ATP8A2: variants seen among roughly 807,000 people sequenced by gnomAD.
The protein encoded by ATP8A2 is ATPase phospholipid transporting 8A2.
A neutral mutation model predicts 165.6 loss-of-function variants in ATP8A2; 100 were observed. The observed-to-expected ratio is 0.60, with a 90% CI of 0.51 to 0.71. The LOEUF (loss-of-function observed/expected upper bound fraction) is 0.71, where lower values mean the gene tolerates loss of function less well. Ranked by LOEUF, ATP8A2 falls within the 30% of genes least tolerant of loss-of-function variation. The pLI is 0.00. For missense variants in ATP8A2, 1,227 were observed against 1,479.5 expected, an observed-to-expected ratio of 0.83 and a Z score of 2.80; for synonymous variants, 543 against 548.8, an observed-to-expected ratio of 0.99 and a Z score of 0.15.
intron 24 of ATP8A2, among the ~76,000 whole-genome samples, chr13:25,648,475 C>T (rs1051355062): frequency 1.3e-5 from 2 of 152,044 alleles, no homozygotes; most frequent in Non-Finnish European, 1.5e-5. Context: ...ACTATCCTGG[C>T]CAACGTAGTG....
intron 24 of ATP8A2, among the ~76,000 whole-genome samples, chr13:25,686,861 T>C (rs17584943): frequency 0.085 from 12,974 of 152,136 alleles, 616 homozygotes; most frequent in Non-Finnish European, 0.11. Context: ...TCCACGGCTC[T>C]TAACAGCTCA....
At chr13:25,671,225 TCTTTA>T (rs2042255833) in intron 24 of ATP8A2, among the ~76,000 whole-genome samples, 2 of 152,214 alleles carry the variant, frequency 1.3e-5, no homozygotes, top group Non-Finnish European at 2.9e-5. Context: ...CCTATGCCTG[TCTTTA>T]CTTTAGTCTC....
chr13:25,479,714 A>G (rs34785593), intron 2 of ATP8A2, among the ~76,000 whole-genome samples: 10,236 of 152,068 alleles, frequency 0.067, 464 homozygotes, highest in African/African-American at 0.12. Flanking sequence ...GCTGCCTTCA[A>G]GCATCTGTTT....
At chr13:25,920,437 G>GA (rs768619219) in intron 33 of ATP8A2, among the ~76,000 whole-genome samples, 2 of 152,126 alleles carry the variant, frequency 1.3e-5, no homozygotes, top group Non-Finnish European at 2.9e-5. Context: ...CGGCACTTGT[G>GA]AAAAAGATGT....
chr13:25,682,538 C>A (rs920628599), intron 24 of ATP8A2, among the ~76,000 whole-genome samples: 1 of 152,168 alleles, frequency 6.6e-6, no homozygotes, highest in African/African-American at 2.4e-5. Flanking sequence ...CGAGTTTTCT[C>A]TTGACGGGGC....
At position 25,454,030 on chromosome 13, in the gene ATP8A2, C is replaced by T. The variant is rs117993257; in HGVS notation, c.77-14947C>T. Among the ~76,000 whole-genome samples the T allele has an allele frequency of 6.1e-3, 923 of 152,126 alleles. 7 individuals are homozygous for T. Among genetic ancestry groups the T allele is most frequent in the Non-Finnish European group, 8.3e-3 (565 of 68,012 alleles). On this transcript the variant is annotated intron_variant, in intron 1 of 36. Transcript: ENST00000381655. ...AGTTGGCAGCAAAGAAATAGATGAG[C>T]GGTAGGATGGTTAGTCATAATGAGG... is the stretch of plus-strand genomic sequence containing the variant.
At chr13:25,785,256 C>T (rs528494894) in intron 27 of ATP8A2, among the ~76,000 whole-genome samples, 136 of 151,612 alleles carry the variant, frequency 9.0e-4, no homozygotes, top group African/African-American at 3.1e-3. Flanking sequence ...AAAAGTTAAC[C>T]GGACATGGGG....
Position 25,530,048 on chromosome 13 carries a change from C to T in ATP8A2, c.271C>T (p.Gln91Ter). The stretch of plus-strand genomic sequence containing the variant: ...ATTTCTACCTCGATTCTTGTATGAG[C>T]AGATTAGAAGAGCTGCTAATGCCTT... ...LTFLPRFLYE[Q>*]IRRAANAFFL... Residue 91 changes from glutamine (Q) to a stop codon, truncating the protein, a stop_gained, in exon 3 of 37, where the codon CAG becomes TAG. Coordinates refer to ENST00000381655, the MANE Select transcript of ATP8A2 (RefSeq NM_016529.6). LOFTEE classifies it high-confidence loss of function. 6.2e-7 allele frequency: 1 copy of T among 1,612,982 alleles called. No homozygotes were observed. The highest frequency in any genetic ancestry group is 1.1e-5 in the South Asian group (1 of 91,002).
chr13:25,748,341 G>A (rs2044080077), intron 25 of ATP8A2, among the ~76,000 whole-genome samples: 1 of 152,194 alleles, frequency 6.6e-6, no homozygotes, highest in Non-Finnish European at 1.5e-5. Context: ...GGAATGACCT[G>A]ATTTTTCTCC....
At chr13:25,732,357 C>T (rs1433754679) in intron 25 of ATP8A2, among the ~76,000 whole-genome samples, 1 of 152,170 alleles carries the variant, frequency 6.6e-6, no homozygotes, top group Non-Finnish European at 1.5e-5. Flanking sequence ...ATCCCTGGAG[C>T]AAACCATTCA....
chr13:25,775,595 C>A (rs554018237), intron 27 of ATP8A2, among the ~76,000 whole-genome samples: 1 of 152,186 alleles, frequency 6.6e-6, no homozygotes, highest in Non-Finnish European at 1.5e-5. Context: ...AACAAACGTG[C>A]CTGCTAGAGG....
intron 25 of ATP8A2, among the ~76,000 whole-genome samples, chr13:25,718,219 C>T (rs1256699747): frequency 3.3e-5 from 3 of 91,672 alleles, no homozygotes; most frequent in South Asian, 5.2e-4. Context: ...TTTATTTTGT[C>T]GTAATAAAAT....
intron 24 of ATP8A2, among the ~76,000 whole-genome samples, chr13:25,634,574 C>T (rs2041324642): frequency 6.6e-6 from 1 of 152,006 alleles, no homozygotes; most frequent in South Asian, 2.1e-4. Flanking sequence ...CTTAAGGCCC[C>T]CTTGGAAGTT....
At chr13:25,889,273 T>TATAA in intron 33 of ATP8A2, among the ~76,000 whole-genome samples, 1 of 141,174 alleles carries the variant, frequency 7.1e-6, no homozygotes, top group Middle Eastern at 3.8e-3. Flanking sequence ...TATATATATA[T>TATAA]AAAATTTAAA....
At position 25,750,963 on chromosome 13, in the gene ATP8A2, A is replaced by C. The variant is rs1343736086; in HGVS notation, c.2385-18083A>C. ...TTTCAGCACCACAGTGTATCAGAGC[A>C]CTCACAGAGAGCTTGGGAGTCTCAA... is the stretch of plus-strand genomic sequence containing the variant. On this transcript the variant is annotated intron_variant, in intron 25 of 36. Coordinates refer to ENST00000381655, the MANE Select transcript of ATP8A2 (RefSeq NM_016529.6). The surrounding 1 kb of genome is among the most constrained non-coding windows in gnomAD (Gnocchi z 4.3). 6.6e-6 allele frequency among the ~76,000 whole-genome samples: 1 copy of C among 152,154 alleles called. No individual in the cohort carries two copies. Among genetic ancestry groups the C allele is most frequent in the Non-Finnish European group, 1.5e-5 (1 of 68,034 alleles).
At chr13:25,473,230 G>A (rs139495081) in intron 2 of ATP8A2, among the ~76,000 whole-genome samples, 126 of 152,202 alleles carry the variant, frequency 8.3e-4, no homozygotes, top group Non-Finnish European at 1.2e-3. Context: ...CATTCTTGAC[G>A]CTGAAAATAC....
chr13:25,638,336 C>T (rs866118877), intron 24 of ATP8A2, among the ~76,000 whole-genome samples: 12 of 152,134 alleles, frequency 7.9e-5, no homozygotes, highest in Admixed American at 1.3e-4. Context: ...TTGAACCCAT[C>T]GCACAGAAGC....
chr13:25,572,763 C>T (rs2039504886), intron 18 of ATP8A2, among the ~76,000 whole-genome samples: 1 of 152,146 alleles, frequency 6.6e-6, no homozygotes, highest in Non-Finnish European at 1.5e-5. Context: ...GGGGAAGACG[C>T]AGGGATTATA....
chr13:25,480,588 T>A (rs2036155229), intron 2 of ATP8A2, among the ~76,000 whole-genome samples: 1 of 149,046 alleles, frequency 6.7e-6, no homozygotes, highest in South Asian at 2.2e-4. Context: ...CCTCCCTTCC[T>A]AGATGGGATG....
Sources: allele counts gnomAD v4.1 joint callset (sites outside exome capture counted in the v4.1 genomes callset), GRCh38; gene constraint gnomAD v4.1.1; non-coding constraint Gnocchi (gnomAD v3.1); transcripts MANE v1.5; gene names NCBI Gene and HGNC (gene_info 2026-07-23, HGNC 2026-07-21).